IGFN1: variants seen among roughly 807,000 people sequenced by gnomAD.
IGFN1 encodes the protein immunoglobulin-like and fibronectin type III domain-containing protein 1.
IGFN1 carries 253 observed loss-of-function variants against 289.5 expected under a neutral mutation model. The observed-to-expected ratio is 0.87, with a 90% CI of 0.79 to 0.97. The LOEUF (loss-of-function observed/expected upper bound fraction) is 0.97. Ranked by LOEUF, IGFN1 falls within the 50% of genes least tolerant of loss-of-function variation. The probability of loss-of-function intolerance (pLI) is 0.00; values close to 1 mark genes in which losing one functional copy is unlikely to be tolerated. For synonymous variants in IGFN1, 1,706 were observed against 1,788.5 expected, an observed-to-expected ratio of 0.95 and a Z score of 1.16; for missense variants, 4,470 against 4,686.1, an observed-to-expected ratio of 0.95 and a Z score of 1.35.
intron 5 of IGFN1, among the ~76,000 whole-genome samples, chr1:201,197,732 A>G (rs564723921): frequency 2.0e-5 from 3 of 152,246 alleles, no homozygotes; most frequent in Admixed American, 6.5e-5. Context: ...TCTCTCAGAC[A>G]TGTTTTTTTT....
Position 201,200,343 on chromosome 1 carries a change from G to A in IGFN1, c.565G>A (p.Val189Ile), listed in dbSNP as rs374651813. Residue 189 changes from valine to isoleucine, a missense_variant, in exon 8 of 24, where the codon GTC (valine) becomes ATC (isoleucine). Val to Ile is a conservative substitution (Grantham distance 29). Transcript: ENST00000335211. The stretch of plus-strand genomic sequence containing the variant: ...GAAGATCTGCTTGAAGTATGGCATC[G>A]TCGACTACCGTGGCATGTTGCGCAG... ...YEKICLKYGI[V>I]DYRGMLRRLQ... 2.1e-5 allele frequency: 32 copies of A among 1,551,636 alleles called. No homozygotes were observed. Among genetic ancestry groups the A allele is most frequent in the Non-Finnish European group, 2.4e-5 (27 of 1,147,016 alleles).
At chr1:201,194,004 G>T (rs779725486) in intron 2 of IGFN1, 150 bp from the exon 3 acceptor site, 5 of 789,178 alleles carry the variant, frequency 6.3e-6, no homozygotes, top group Non-Finnish European at 1.0e-5. Context: ...TGCACAGGCA[G>T]GAGGTACTAC....
chr1:201,206,817 G>C lies in IGFN1; in HGVS notation c.1924G>C (p.Asp642His), dbSNP rs774994028. The change falls in exon 12 of 24, where the codon GAT (aspartate) becomes CAT (histidine). Residue 642 changes from aspartate (D) to histidine (H), a missense_variant. Transcript: ENST00000335211. ...CAGCCTGGCTGAGATGGACAGAGGG[G>C]ATGCTCCAAGTAGGGAAAGGGGGAG... ...DDSLAEMDRG[D>H]APSRERGRGI... 2.6e-5 allele frequency: 40 copies of C among 1,536,992 alleles called. No individual in the cohort carries two copies. Among genetic ancestry groups the C allele is most frequent in the Non-Finnish European group, 3.5e-5 (40 of 1,146,906 alleles).
At chr1:201,214,088 G>A in intron 12 of IGFN1, 89 bp from the exon 13 acceptor site, 1 of 1,362,992 alleles carries the variant, frequency 7.3e-7, no homozygotes, top group African/African-American at 1.4e-5. Flanking sequence ...GCCAAGCCCA[G>A]TTGGCAGGAC....
chr1:201,213,211 G>GGTCC lies in IGFN1; in HGVS notation c.8319_8322dup (p.Leu2775ValfsTer11). The GGTCC allele has an allele frequency of 1.9e-6, 3 of 1,551,702 alleles. No homozygotes were observed. In the South Asian group the frequency reaches 3.6e-5, roughly 18 times the overall value. On this transcript the variant is annotated frameshift_variant, in exon 12 of 24. Coordinates refer to ENST00000335211, the MANE Select transcript of IGFN1 (RefSeq NM_001164586.2). LOFTEE classifies it high-confidence loss of function. The stretch of plus-strand genomic sequence containing the variant: ...GGCAAGGGACAGAGAGGAGGAAAGA[G>GGTCC]GTCCCTCGGGGAGCAGGGGTCCCTG...
chr1:201,209,139 G>A lies in IGFN1; in HGVS notation c.4246G>A (p.Gly1416Ser). 2 of 1,522,146 alleles carry A rather than the reference G, an allele frequency of 1.3e-6. No individual in the cohort carries two copies. The highest frequency in any genetic ancestry group is 3.4e-4 in the Middle Eastern group (2 of 5,852). The allele number at this position is 1,522,146 out of a possible 1,614,324, so 94.3% of individuals were successfully genotyped here. The change falls in exon 12 of 24, where the codon GGT becomes AGT. Residue 1416 changes from glycine to serine, a missense_variant. By Grantham distance (56) the Gly-to-Ser change is moderately conservative. This residue lies in a region of IGFN1 where 2,011 missense variants were observed against 1,953.4 expected (regional missense o/e 1.03). Coordinates refer to ENST00000335211, the MANE Select transcript of IGFN1 (RefSeq NM_001164586.2). Reference protein sequence around the residue: ...DESGHRNGIGGYGEMGSGYRE... With the variant: ...DESGHRNGIGSYGEMGSGYRE... ...GTCAGGTCATAGGAATGGGATTGGA[G>A]GTTATGGGGAAATGGGGTCAGGTTA...
chr1:201,215,294 TA>T, intron 14 of IGFN1, 140 bp downstream of exon 14: 1 of 1,063,540 alleles, frequency 9.4e-7, no homozygotes, highest in Non-Finnish European at 1.3e-6. Context: ...GAAGATGATT[TA>T]AAAAGCCGAC....
chr1:201,193,193 G>T (rs2102313761), intron 1 of IGFN1, 54 bp from the exon 2 acceptor site: 1 of 829,472 alleles, frequency 1.2e-6, no homozygotes, highest in African/African-American at 1.7e-5. Flanking sequence ...GTGTGGGAGG[G>T]GTGGGGTGAG....
At position 201,200,349 on chromosome 1, in the gene IGFN1, T is replaced by A. The variant is rs1667097835; in HGVS notation, c.571T>A (p.Tyr191Asn). 1 of 1,551,662 alleles carries A rather than the reference T, an allele frequency of 6.4e-7. No individual in the cohort carries two copies. Among genetic ancestry groups the A allele is most frequent in the South Asian group, 1.2e-5 (1 of 84,056 alleles). ...CTGCTTGAAGTATGGCATCGTCGAC[T>A]ACCGTGGCATGTTGCGCAGGCTGCA... The part of the protein sequence containing the change: ...KICLKYGIVD[Y>N]RGMLRRLQEM... Residue 191 changes from tyrosine (Y) to asparagine (N), a missense_variant, in exon 8 of 24, where the codon TAC becomes AAC. By Grantham distance (143) the Tyr-to-Asn change is moderately radical. Coordinates refer to ENST00000335211, the MANE Select transcript of IGFN1 (RefSeq NM_001164586.2).
intron 8 of IGFN1, 136 bp from the exon 9 acceptor site, chr1:201,201,583 C>T (rs1411111193): frequency 1.4e-5 from 8 of 571,718 alleles, no homozygotes; most frequent in African/African-American, 5.6e-5. Flanking sequence ...TACTTTCCCC[C>T]ACTTGTAAAA....
Position 201,211,862 on chromosome 1 carries a change from G to A in IGFN1, c.6969G>A (p.Arg2323=). ...TGTCATGGAATGAGGCAGGTTCTAG[G>A]CAAGGCTTTGGGGGAACTAGTGGCA... is the stretch of plus-strand genomic sequence containing the variant. ...YILSWNEAGS[R]QGFGGTSGMG... The change falls in exon 12 of 24, where the codon AGG becomes AGA. Residue 2323 remains arginine (R), a synonymous_variant. Coordinates refer to ENST00000335211, the MANE Select transcript of IGFN1 (RefSeq NM_001164586.2). 1 of 1,534,880 alleles carries A rather than the reference G, an allele frequency of 6.5e-7. No homozygotes were observed. The highest frequency in any genetic ancestry group is 8.7e-7 in the Non-Finnish European group (1 of 1,145,600).
chr1:201,208,630 C>T lies in IGFN1; in HGVS notation c.3737C>T (p.Pro1246Leu). 1 of 1,530,026 alleles carries T rather than the reference C, an allele frequency of 6.5e-7. No homozygotes were observed. Among genetic ancestry groups the T allele is most frequent in the East Asian group, 2.4e-5 (1 of 40,894 alleles). The allele number at this position is 1,530,026 out of a possible 1,614,324, so 94.8% of individuals were successfully genotyped here. A position where few individuals can be genotyped will look rare whatever the true frequency, so the allele number is the denominator to read the frequency against. ...GGCCTTGGGCCTAGGAGTACAGGGC[C>T]AGGGGGTGAGGCAGGCTTTAGAGAT... ...SRGLGPRSTGPGGEAGFRDGS... is the reference protein window; with the variant it reads ...SRGLGPRSTGLGGEAGFRDGS... Residue 1246 changes from proline to leucine, a missense_variant, in exon 12 of 24, where the codon CCA becomes CTA. Pro to Leu is a moderately conservative substitution (Grantham distance 98, BLOSUM62 -3). Coordinates refer to ENST00000335211, the MANE Select transcript of IGFN1 (RefSeq NM_001164586.2).
rs147927799 is a variant in IGFN1 at position 201,215,792 on chromosome 1, G to T, written c.9249G>T (p.Arg3083Ser). The change falls in exon 15 of 24, where the codon AGG becomes AGT. Residue 3083 changes from arginine (R) to serine (S), a missense_variant. By Grantham distance (110) the Arg-to-Ser change is moderately radical. Around this residue, in one of 8 missense-constraint regions of IGFN1, gnomAD observed 2,218 missense variants for 2,114.1 expected, o/e 1.05. Transcript: ENST00000335211. ...KDCGQYSVTL[R>S]SEGGSVQAEL... ...GTGGCCAGTACAGCGTGACACTGAG[G>T]AGTGAGGGAGGCTCTGTGCAGGCCG... is the stretch of plus-strand genomic sequence containing the variant. 3 of 1,598,256 alleles carry T rather than the reference G, an allele frequency of 1.9e-6. No homozygotes were observed. The highest frequency in any genetic ancestry group is 1.1e-5 in the South Asian group (1 of 88,396).
In IGFN1 at chr1:201,194,222, T is replaced by C. The variant is rs1437424964; in HGVS notation, c.76T>C (p.Cys26Arg). 2 of 1,551,508 alleles carry C rather than the reference T, an allele frequency of 1.3e-6. No individual in the cohort carries two copies. Among genetic ancestry groups the C allele is most frequent in the African/African-American group, 2.7e-5 (2 of 73,042 alleles). The change falls in exon 3 of 24, where the codon TGC becomes CGC. Residue 26 changes from cysteine (C) to arginine (R), a missense_variant. Cys to Arg is a radical substitution (Grantham distance 180). This residue lies in a region of IGFN1 where 2,011 missense variants were observed against 1,953.4 expected (regional missense o/e 1.03). Coordinates refer to ENST00000335211, the MANE Select transcript of IGFN1 (RefSeq NM_001164586.2). ...GCTGGTGGAGGAGATCCCTGAAGGC[T>C]GCAGCACGCCGGACTTTGAGCAGAA... ...WQLVEEIPEG[C>R]STPDFEQKPV...
intron 20 of IGFN1, chr1:201,223,051 T>C: frequency 2.5e-6 from 1 of 400,586 alleles, no homozygotes; most frequent in Non-Finnish European, 4.5e-6. Context: ...GTGGCCATTC[T>C]GCTCCAGGCC....
At position 201,226,903 on chromosome 1, in the gene IGFN1, C is replaced by T. The variant is rs769280747; in HGVS notation, c.10808C>T (p.Pro3603Leu). 6 of 1,598,104 alleles carry T rather than the reference C, an allele frequency of 3.8e-6. No homozygotes were observed. In the South Asian group the frequency reaches 5.6e-5, roughly 15 times the overall value. The change falls in exon 23 of 24, where the codon CCG becomes CTG. Residue 3603 changes from proline (P) to leucine (L), a missense_variant. Pro to Leu is a moderately conservative substitution (Grantham distance 98). Coordinates refer to ENST00000335211, the MANE Select transcript of IGFN1 (RefSeq NM_001164586.2). ...RQRDRFTVKAPCYREPDLSQK... is the reference protein window; with the variant it reads ...RQRDRFTVKALCYREPDLSQK... ...ACAGACAGGTTCACAGTGAAGGCTC[C>T]GTGCTACCGGGAGCCCGACCTGAGC... is the stretch of plus-strand genomic sequence containing the variant.
chr1:201,216,850 C>A, intron 16 of IGFN1, 97 bp downstream of exon 16: 2 of 1,072,016 alleles, frequency 1.9e-6, no homozygotes, highest in Non-Finnish European at 2.7e-6. Context: ...TGACACCAGC[C>A]TGTGCTCGGG....
intron 3 of IGFN1, among the ~76,000 whole-genome samples, chr1:201,195,390 G>A (rs1256837964): frequency 1.3e-5 from 2 of 152,162 alleles, no homozygotes; most frequent in South Asian, 2.1e-4. Context: ...GATCTCAGGT[G>A]ATACGACTGC....
At position 201,218,576 on chromosome 1, in the gene IGFN1, G is replaced by A. The variant is rs1653485994; in HGVS notation, c.9816G>A (p.Glu3272=). The part of the protein sequence containing the change: ...VADVRQGCQY[E]FRVTAVAPSG... Reference sequence around the variant, plus strand: ...ACGTGCGGCAGGGCTGTCAGTATGAGTTCCGGGTCACAGCTGTGGCTCCCT... The same window carrying A: ...ACGTGCGGCAGGGCTGTCAGTATGAATTCCGGGTCACAGCTGTGGCTCCCT... The change falls in exon 18 of 24, where the codon GAG becomes GAA. Residue 3272 remains glutamate (E), a synonymous_variant. Transcript: ENST00000335211. 2 of 1,613,464 alleles carry A rather than the reference G, an allele frequency of 1.2e-6. No individual in the cohort carries two copies. The highest frequency in any genetic ancestry group is 1.7e-6 in the Non-Finnish European group (2 of 1,180,010).
Sources: gnomAD v4.1 joint callset for allele counts (sites outside exome capture counted in the v4.1 genomes callset) on GRCh38, gnomAD v4.1.1 for gene constraint, gnomAD v4.1.1 regional missense constraint, MANE v1.5 for transcripts, NCBI Gene and HGNC (gene_info 2026-07-23, HGNC 2026-07-21) for gene names.